TMEM163: variants seen among roughly 807,000 people sequenced by gnomAD.
TMEM163 encodes transmembrane protein 163.
Under a neutral mutation model 29.3 loss-of-function variants are expected in TMEM163, and 17 were observed. That is an observed-to-expected ratio of 0.58 (90% CI 0.40 to 0.87). The LOEUF is 0.87. Ranked by LOEUF, TMEM163 falls within the 40% of genes least tolerant of loss-of-function variation. The probability of loss-of-function intolerance (pLI) is 0.00; values close to 1 mark genes in which losing one functional copy is unlikely to be tolerated. For synonymous variants in TMEM163, 157 were observed against 160.6 expected (o/e 0.98, Z 0.17); for missense variants, 303 against 381.5 (o/e 0.79, Z 1.71).
At chr2:134,703,674 C>T (rs886537164) in intron 2 of TMEM163, among the ~76,000 whole-genome samples, 3 of 151,726 alleles carry the variant, frequency 2.0e-5, no homozygotes, top group African/African-American at 4.8e-5. Context: ...ACTTGAAAAA[C>T]AAATTAAGAG....
intron 2 of TMEM163, among the ~76,000 whole-genome samples, chr2:134,699,882 T>A (rs1261376305): frequency 6.6e-6 from 1 of 152,242 alleles, no homozygotes; most frequent in African/African-American, 2.4e-5. Context: ...TGCCTAATAA[T>A]GCTTTTTGTT....
At chr2:134,570,704 G>A (rs1282593029) in intron 2 of TMEM163, among the ~76,000 whole-genome samples, 1 of 152,100 alleles carries the variant, frequency 6.6e-6, no homozygotes, top group Non-Finnish European at 1.5e-5. Context: ...ACAGTGATAG[G>A]ACAATCAGAA....
At chr2:134,471,795 A>C (rs1686807845) in intron 5 of TMEM163, among the ~76,000 whole-genome samples, 1 of 152,160 alleles carries the variant, frequency 6.6e-6, no homozygotes, top group South Asian at 2.1e-4. Context: ...ACAGATGCAT[A>C]AACAGTTGGA....
In TMEM163 at chr2:134,663,411, C is replaced by T. The variant is rs150995675; in HGVS notation, c.322+49789G>A. On this transcript the variant is annotated intron_variant, in intron 2 of 7. Coordinates refer to ENST00000281924, the MANE Select transcript of TMEM163 (RefSeq NM_030923.5). The stretch of plus-strand genomic sequence containing the variant: ...AGCAAAATGCCTCATCAAAGTCTTG[C>T]TACTTCCAAAAAAAATCAAAGATGA... Among the ~76,000 whole-genome samples, 636 of 152,316 alleles carry T rather than the reference C, an allele frequency of 4.2e-3. 4 individuals are homozygous for T. The highest frequency in any genetic ancestry group is 0.013 in the African/African-American group (534 of 41,572).
chr2:134,543,386 G>A (rs942045440), intron 4 of TMEM163, among the ~76,000 whole-genome samples: 7 of 152,196 alleles, frequency 4.6e-5, no homozygotes, highest in African/African-American at 1.7e-4. Flanking sequence ...TTCTAGTTCA[G>A]GTTCTGCTCT....
At chr2:134,545,467 G>A (rs951764562) in intron 4 of TMEM163, among the ~76,000 whole-genome samples, 2 of 151,952 alleles carry the variant, frequency 1.3e-5, no homozygotes, top group African/African-American at 2.4e-5. Flanking sequence ...CTTTCTTCCT[G>A]GTGGCTGCCC....
rs185187485 is a variant in TMEM163, at chr2:134,624,183, A to G, written c.323-72092T>C. 1.1e-4 allele frequency among the ~76,000 whole-genome samples: 16 copies of G among 152,348 alleles called. No individual in the cohort carries two copies. In the East Asian group the frequency reaches 2.5e-3, roughly 24 times the overall value. ...CACATAAAGGCAGGTCTAGAAATAA[A>G]TATCTGTGTTCTGCTAATATGAAGG... On this transcript the variant is annotated intron_variant, in intron 2 of 7. Coordinates refer to ENST00000281924, the MANE Select transcript of TMEM163 (RefSeq NM_030923.5).
At chr2:134,676,354 A>G (rs993623771) in intron 2 of TMEM163, among the ~76,000 whole-genome samples, 29 of 152,164 alleles carry the variant, frequency 1.9e-4, no homozygotes, top group Admixed American at 3.9e-4. Context: ...ACTCATTCCT[A>G]TGGGTAAAGT....
chr2:134,570,905 C>T (rs958304221), intron 2 of TMEM163, among the ~76,000 whole-genome samples: 1 of 152,188 alleles, frequency 6.6e-6, no homozygotes, highest in African/African-American at 2.4e-5. Flanking sequence ...TGACATCATT[C>T]GACCCCATAA....
chr2:134,480,129 C>T (rs562316102), intron 5 of TMEM163, among the ~76,000 whole-genome samples: 3 of 152,324 alleles, frequency 2.0e-5, no homozygotes, highest in African/African-American at 7.2e-5. Flanking sequence ...TTTCCAGCTC[C>T]TTGCAGAAAA....
intron 2 of TMEM163, among the ~76,000 whole-genome samples, chr2:134,706,336 C>T (rs943539060): frequency 1.3e-5 from 2 of 152,082 alleles, no homozygotes; most frequent in Admixed American, 6.5e-5. Flanking sequence ...CTGCTGCAAC[C>T]ACAGTGCCCA....
intron 2 of TMEM163, among the ~76,000 whole-genome samples, chr2:134,584,995 T>C (rs1465335745): frequency 6.6e-6 from 1 of 152,210 alleles, no homozygotes; most frequent in Non-Finnish European, 1.5e-5. Flanking sequence ...GGACACTTCA[T>C]GGATGCCTGG....
chr2:134,540,047 A>G (rs1373327187), intron 4 of TMEM163, among the ~76,000 whole-genome samples: 1 of 152,212 alleles, frequency 6.6e-6, no homozygotes, highest in East Asian at 1.9e-4. Context: ...GCCAAACACC[A>G]TGACTTCCAG....
intron 5 of TMEM163, among the ~76,000 whole-genome samples, chr2:134,489,833 T>C (rs1269322663): frequency 1.3e-5 from 2 of 152,174 alleles, no homozygotes; most frequent in Non-Finnish European, 2.9e-5. Context: ...CCTTTTGCCA[T>C]CTCTTTCTCT....
intron 2 of TMEM163, among the ~76,000 whole-genome samples, chr2:134,602,271 G>C (rs557494191): frequency 2.0e-5 from 3 of 152,246 alleles, no homozygotes; most frequent in Non-Finnish European, 4.4e-5. Context: ...TGTGCAATTA[G>C]GCTGCAATCA....
At chr2:134,717,783 G>T (rs1053125426) in intron 1 of TMEM163, among the ~76,000 whole-genome samples, 11 of 152,212 alleles carry the variant, frequency 7.2e-5, no homozygotes, top group Admixed American at 7.2e-4. Context: ...TTCGGATTCA[G>T]CAAGAAGTAG....
chr2:134,676,564 T>A (rs1684120242), intron 2 of TMEM163, among the ~76,000 whole-genome samples: 1 of 152,202 alleles, frequency 6.6e-6, no homozygotes, highest in African/African-American at 2.4e-5. Flanking sequence ...TTTAGTGTAT[T>A]CAGAACTGTA....
chr2:134,574,872 C>T (rs577035846), intron 2 of TMEM163, among the ~76,000 whole-genome samples: 37 of 152,270 alleles, frequency 2.4e-4, no homozygotes, highest in Non-Finnish European at 3.7e-4. Flanking sequence ...AAACCCAGGC[C>T]GTTAGGCTTG....
intron 2 of TMEM163, among the ~76,000 whole-genome samples, chr2:134,566,644 C>G (rs1681306609): frequency 6.6e-6 from 1 of 152,104 alleles, no homozygotes; most frequent in Non-Finnish European, 1.5e-5. Context: ...GTGGGGAAAC[C>G]TCTTAGAGGT....
Sources: allele counts gnomAD v4.1 joint callset (sites outside exome capture counted in the v4.1 genomes callset), GRCh38; gene constraint gnomAD v4.1.1; transcripts MANE v1.5; gene names NCBI Gene and HGNC (gene_info 2026-07-23, HGNC 2026-07-21).